TMCO4: variants seen among roughly 807,000 people sequenced by gnomAD.
TMCO4 encodes transmembrane and coiled-coil domain-containing protein 4.
Under a neutral mutation model 64.7 loss-of-function variants are expected in TMCO4, and 58 were observed. The ratio of observed to expected loss-of-function variants is 0.90; its 90% CI spans 0.73 to 1.12. TMCO4 has a LOEUF of 1.12. TMCO4 is among the 50% of genes most tolerant of loss of function. TMCO4 has a pLI of 0.00. For missense variants in TMCO4, 780 were observed against 825.9 expected (o/e 0.94, Z 0.68); for synonymous variants, 325 against 346.1 (o/e 0.94, Z 0.68).
intron 13 of TMCO4, among the ~76,000 whole-genome samples, chr1:19,715,586 G>A (rs969805396): frequency 7.2e-5 from 11 of 152,116 alleles, no homozygotes; most frequent in South Asian, 2.1e-4. Flanking sequence ...TATAACTGAC[G>A]ACATGAAAAT....
chr1:19,789,737 A>AT (rs2043931778), intron 2 of TMCO4, among the ~76,000 whole-genome samples: 2 of 152,118 alleles, frequency 1.3e-5, no homozygotes, highest in Admixed American at 1.3e-4. Flanking sequence ...AGTCCCATAC[A>AT]TTTGACCAAT....
chr1:19,684,063 CTTTTTTT>C (rs3048209), intron 15 of TMCO4, among the ~76,000 whole-genome samples: 8 of 70,314 alleles, frequency 1.1e-4, no homozygotes, highest in African/African-American at 4.1e-4. Flanking sequence ...TGCCCGGCAG[CTTTTTTT>C]TTTTTTTTTT....
At chr1:19,746,387 T>A (rs1446296236) in intron 9 of TMCO4, 69 bp downstream of exon 9, 24 of 1,590,714 alleles carry the variant, frequency 1.5e-5, no homozygotes, top group Non-Finnish European at 2.1e-5. Flanking sequence ...GATCCAGGCA[T>A]GTCCTTTTAG....
chr1:19,720,067 A>G lies in TMCO4; in HGVS notation c.1264+17305T>C, dbSNP rs1192689648. 2.8e-5 allele frequency among the ~76,000 whole-genome samples: 4 copies of G among 142,446 alleles called. No homozygotes were observed. The Admixed American group carries it at 3.0e-4, about 11-fold the overall frequency. The allele number at this position is 142,446 out of a possible 152,430, so 93.5% of individuals were successfully genotyped here. On this transcript the variant is annotated intron_variant, in intron 13 of 15. Transcript: ENST00000294543. ...GTTTTGTTGTCCAGGCTGGTCTTAA[A>G]CTCCTAGGCTCAAGCGATCAATCCT...
chr1:19,779,881 A>G (rs540796478), intron 4 of TMCO4, among the ~76,000 whole-genome samples: 1 of 152,324 alleles, frequency 6.6e-6, no homozygotes, highest in African/African-American at 2.4e-5. Flanking sequence ...ATGTACTTCA[A>G]ATCATACCTG....
intron 6 of TMCO4, among the ~76,000 whole-genome samples, chr1:19,760,766 C>T (rs1290663009): frequency 6.6e-6 from 1 of 152,224 alleles, no homozygotes; most frequent in Non-Finnish European, 1.5e-5. Context: ...ATTTAAGCTC[C>T]AAATCCACTG....
At chr1:19,740,751 G>T in intron 11 of TMCO4, 26 bp downstream of exon 11, 1 of 1,593,884 alleles carries the variant, frequency 6.3e-7, no homozygotes, top group Non-Finnish European at 8.6e-7. Flanking sequence ...GCATGCTGTT[G>T]TTGGGGGGCA....
chr1:19,789,288 G>C (rs1020137573), intron 2 of TMCO4, among the ~76,000 whole-genome samples: 9 of 152,068 alleles, frequency 5.9e-5, no homozygotes, highest in Non-Finnish European at 1.3e-4. Flanking sequence ...TGTAACCCCA[G>C]CTATTCAGGA....
At chr1:19,797,100 T>C (rs2044344503) in intron 2 of TMCO4, among the ~76,000 whole-genome samples, 1 of 152,054 alleles carries the variant, frequency 6.6e-6, no homozygotes, top group Non-Finnish European at 1.5e-5. Context: ...AAGGACAATA[T>C]CATTTTATAT....
intron 13 of TMCO4, among the ~76,000 whole-genome samples, chr1:19,727,847 A>C (rs926940545): frequency 6.6e-5 from 10 of 152,252 alleles, no homozygotes; most frequent in African/African-American, 2.2e-4. Flanking sequence ...AATGTGGTAC[A>C]TATATACCAT....
intron 14 of TMCO4, among the ~76,000 whole-genome samples, chr1:19,699,299 A>G (rs2095256217): frequency 6.6e-6 from 1 of 151,882 alleles, no homozygotes; most frequent in Non-Finnish European, 1.5e-5. Flanking sequence ...TCTGCTTCAT[A>G]ATGTCATTTA....
intron 2 of TMCO4, among the ~76,000 whole-genome samples, chr1:19,788,178 T>A (rs1212951501): frequency 6.6e-6 from 1 of 152,034 alleles, no homozygotes; most frequent in Admixed American, 6.5e-5. Context: ...CTCCCCAGCA[T>A]GAGAATGTAC....
chr1:19,749,073 A>G (rs549885796), intron 7 of TMCO4, among the ~76,000 whole-genome samples: 4 of 152,218 alleles, frequency 2.6e-5, no homozygotes, highest in Non-Finnish European at 5.9e-5. Context: ...CACAACTGAA[A>G]TTCATGTCAT....
chr1:19,700,800 C>T lies in TMCO4; in HGVS notation c.1350G>A (p.Val450=). Residue 450 remains valine, a synonymous_variant, in exon 14 of 16, where the codon GTG becomes GTA. Coordinates refer to ENST00000294543, the MANE Select transcript of TMCO4 (RefSeq NM_181719.7). Reference sequence around the variant, plus strand: ...AGCCGTTGATGATCCTCCCGGACACCACCTTCCGGAAAGGCTCCCAATGCT... The same window carrying T: ...AGCCGTTGATGATCCTCCCGGACACTACCTTCCGGAAAGGCTCCCAATGCT... The part of the protein sequence containing the change: ...EAKHWEPFRK[V]VSGRIINGYC... 1 of 1,614,226 alleles carries T rather than the reference C, an allele frequency of 6.2e-7. No homozygotes were observed. Among genetic ancestry groups the T allele is most frequent in the Non-Finnish European group, 8.5e-7 (1 of 1,180,020 alleles).
intron 12 of TMCO4, among the ~76,000 whole-genome samples, chr1:19,739,432 T>C (rs1160034152): frequency 6.6e-6 from 1 of 152,218 alleles, no homozygotes; most frequent in Non-Finnish European, 1.5e-5. Flanking sequence ...TCATTCACTT[T>C]ACTGGCTTCA....
chr1:19,740,016 G>A, intron 11 of TMCO4, 56 bp from the exon 12 acceptor site: 2 of 1,543,636 alleles, frequency 1.3e-6, no homozygotes, highest in East Asian at 2.4e-5. Flanking sequence ...GTCCTACTAG[G>A]GAAGTGACTG....
intron 14 of TMCO4, 65 bp from the exon 15 acceptor site, chr1:19,694,616 G>A: frequency 6.7e-7 from 1 of 1,490,826 alleles, no homozygotes; most frequent in Non-Finnish European, 9.2e-7. Flanking sequence ...GGACAGGACG[G>A]GCCAGGCTGC....
At chr1:19,770,513 C>T in intron 6 of TMCO4, 29 bp downstream of exon 6, 1 of 1,613,564 alleles carries the variant, frequency 6.2e-7, no homozygotes, top group Non-Finnish European at 8.5e-7. Context: ...GGGTACCCAC[C>T]ATTTACAGAG....
At chr1:19,749,347 C>T (rs2041928723) in intron 7 of TMCO4, among the ~76,000 whole-genome samples, 1 of 152,076 alleles carries the variant, frequency 6.6e-6, no homozygotes, top group Non-Finnish European at 1.5e-5. Flanking sequence ...ATATGTGTCA[C>T]TTCTGGCAGA....
Sources: allele counts gnomAD v4.1 joint callset (sites outside exome capture counted in the v4.1 genomes callset), GRCh38; gene constraint gnomAD v4.1.1; transcripts MANE v1.5; gene names NCBI Gene and HGNC (gene_info 2026-07-23, HGNC 2026-07-21).